TTC27: variants seen among roughly 807,000 people sequenced by gnomAD.
TTC27 encodes tetratricopeptide repeat protein 27.
TTC27 carries 79 observed loss-of-function variants against 115.9 expected under a neutral mutation model. That is an observed-to-expected ratio of 0.68 (90% CI 0.57 to 0.82). The LOEUF (loss-of-function observed/expected upper bound fraction) is 0.82. Ranked by LOEUF, TTC27 falls within the 40% of genes least tolerant of loss-of-function variation. The pLI is 0.00. For synonymous variants in TTC27, 401 were observed against 356.0 expected (o/e 1.13, Z -1.42); for missense variants, 1,054 against 993.1 (o/e 1.06, Z -0.82).
chr2:32,741,110 C>T (rs1473453376), intron 12 of TTC27, among the ~76,000 whole-genome samples: 10 of 152,232 alleles, frequency 6.6e-5, no homozygotes, highest in Admixed American at 5.2e-4. Context: ...GATTTTGTAG[C>T]GCCGTCTCAC....
At chr2:32,779,997 AT>A in intron 14 of TTC27, 1 of 410,136 alleles carries the variant, frequency 2.4e-6, no homozygotes, top group South Asian at 1.9e-5. Flanking sequence ...GTAAGGATGT[AT>A]TTATGGTCCA....
intron 10 of TTC27, among the ~76,000 whole-genome samples, chr2:32,713,169 G>A (rs568179228): frequency 9.2e-5 from 14 of 151,910 alleles, no homozygotes; most frequent in East Asian, 3.9e-4. Context: ...AGACTTCCCC[G>A]TCTCCAGAAC....
intron 9 of TTC27, among the ~76,000 whole-genome samples, chr2:32,698,362 T>C (rs937591760): frequency 1.3e-5 from 2 of 151,810 alleles, no homozygotes; most frequent in African/African-American, 4.8e-5. Context: ...AAACTCCTGG[T>C]CTCAAGTGAT....
intron 7 of TTC27, among the ~76,000 whole-genome samples, chr2:32,668,123 G>A (rs547508323): frequency 1.5e-4 from 23 of 151,922 alleles, no homozygotes; most frequent in Non-Finnish European, 2.9e-4. Context: ...TCTGGGAGAC[G>A]GAGCTTGCAG....
chr2:32,734,621 C>T (rs1668394293), intron 11 of TTC27, among the ~76,000 whole-genome samples: 1 of 151,988 alleles, frequency 6.6e-6, no homozygotes, highest in Non-Finnish European at 1.5e-5. Flanking sequence ...GGTGTAGTTC[C>T]CTATTTTGTA....
At chr2:32,675,087 T>G (rs1205894670) in intron 8 of TTC27, among the ~76,000 whole-genome samples, 1 of 152,242 alleles carries the variant, frequency 6.6e-6, no homozygotes, top group Non-Finnish European at 1.5e-5. Flanking sequence ...CATTATACCA[T>G]GTACTTTCAC....
chr2:32,753,325 C>G (rs1669081310), intron 12 of TTC27, among the ~76,000 whole-genome samples: 1 of 151,938 alleles, frequency 6.6e-6, no homozygotes, highest in Non-Finnish European at 1.5e-5. Flanking sequence ...AGTCCCAAGC[C>G]CACCCAGAGC....
At chr2:32,760,102 G>A (rs756023158) in intron 13 of TTC27, among the ~76,000 whole-genome samples, 3 of 152,000 alleles carry the variant, frequency 2.0e-5, no homozygotes, top group Admixed American at 6.6e-5. Context: ...GAGGGAATGC[G>A]TTTTACATTG....
chr2:32,639,165 G>C (rs769697151), intron 3 of TTC27, among the ~76,000 whole-genome samples: 11 of 152,144 alleles, frequency 7.2e-5, no homozygotes, highest in Non-Finnish European at 1.2e-4. Flanking sequence ...TGAAACTGAG[G>C]CTTCATCAGG....
chr2:32,746,154 C>T (rs186764845), intron 12 of TTC27, among the ~76,000 whole-genome samples: 13 of 152,188 alleles, frequency 8.5e-5, no homozygotes, highest in African/African-American at 1.7e-4. Flanking sequence ...TTCTTGCAAG[C>T]GCTGCAGGTT....
chr2:32,692,960 A>G (rs1292605604), intron 9 of TTC27, among the ~76,000 whole-genome samples: 1 of 151,330 alleles, frequency 6.6e-6, no homozygotes, highest in Non-Finnish European at 1.5e-5. Context: ...TGGGTAACAG[A>G]GTGAGACTCT....
At chr2:32,652,896 T>C (rs1665183371) in intron 5 of TTC27, among the ~76,000 whole-genome samples, 1 of 152,196 alleles carries the variant, frequency 6.6e-6, no homozygotes, top group African/African-American at 2.4e-5. Flanking sequence ...TATGAACAAC[T>C]ATGATATTTA....
At chr2:32,661,172 C>A (rs899636055) in intron 5 of TTC27, among the ~76,000 whole-genome samples, 1 of 152,080 alleles carries the variant, frequency 6.6e-6, no homozygotes, top group East Asian at 1.9e-4. Context: ...GTTACTGTAG[C>A]CTTGCAGTAT....
intron 8 of TTC27, among the ~76,000 whole-genome samples, chr2:32,675,631 A>G (rs1199099109): frequency 2.0e-5 from 3 of 152,186 alleles, no homozygotes; most frequent in African/African-American, 2.4e-5. Context: ...TATGATTTGC[A>G]TGTACTAAGT....
rs79494022 is a variant in TTC27 at position 32,788,682 on chromosome 2, C to A, written c.1998+1533C>A. ...CTTCATATCTGCTAAGGATTAGTAA[C>A]AACTGGCTCACCAGGTTGGCTTTTT... is the stretch of plus-strand genomic sequence containing the variant. On this transcript the variant is annotated intron_variant, in intron 16 of 19. Coordinates refer to ENST00000317907, the MANE Select transcript of TTC27 (RefSeq NM_017735.5). Among the ~76,000 whole-genome samples the A allele has an allele frequency of 5.3e-3, 805 of 152,268 alleles. 8 individuals carry two copies. Among genetic ancestry groups the A allele is most frequent in the African/African-American group, 0.018 (765 of 41,556 alleles).
intron 4 of TTC27, among the ~76,000 whole-genome samples, chr2:32,644,246 A>G (rs530615018): frequency 4.5e-4 from 68 of 151,060 alleles, no homozygotes; most frequent in African/African-American, 1.6e-3. Context: ...TAGCTACTCA[A>G]GAGGCTGAGG....
intron 12 of TTC27, among the ~76,000 whole-genome samples, chr2:32,746,051 G>T (rs934194093): frequency 6.6e-6 from 1 of 152,106 alleles, no homozygotes; most frequent in Non-Finnish European, 1.5e-5. Context: ...TTAATAATTA[G>T]TTGTGTGGAA....
chr2:32,762,112 A>G (rs1439161631), intron 13 of TTC27, among the ~76,000 whole-genome samples: 8 of 152,228 alleles, frequency 5.3e-5, no homozygotes. Flanking sequence ...CACCAGTTAT[A>G]TAGAGGCCAA....
At position 32,815,223 on chromosome 2, in the gene TTC27, A is replaced by ATT. The variant is rs533493768; in HGVS notation, c.2309-2204_2309-2203dup. On this transcript the variant is annotated intron_variant, in intron 18 of 19. Coordinates refer to ENST00000317907, the MANE Select transcript of TTC27 (RefSeq NM_017735.5). Reference sequence around the variant, plus strand: ...CATAGAGGAGGCACTGCTGCTTCAGATTTTTTTTTTTTTTTTTTTTTTTTT... The same window carrying ATT: ...CATAGAGGAGGCACTGCTGCTTCAGATTTTTTTTTTTTTTTTTTTTTTTTTTT... Among the ~76,000 whole-genome samples the ATT allele has an allele frequency of 5.5e-3, 303 of 55,500 alleles. 54 individuals are homozygous for ATT. The highest frequency in any genetic ancestry group is 6.6e-3 in the African/African-American group (71 of 10,718). 36.4% of individuals were successfully genotyped at this position (55,500 alleles called of 152,430 possible).
Sources: gnomAD v4.1 joint callset for allele counts (sites outside exome capture counted in the v4.1 genomes callset) on GRCh38, gnomAD v4.1.1 for gene constraint, MANE v1.5 for transcripts, NCBI Gene and HGNC (gene_info 2026-07-23, HGNC 2026-07-21) for gene names.